Variants in KPNA4 observed in about 807,000 individuals in gnomAD.
The protein encoded by KPNA4 is karyopherin subunit alpha 4.
In KPNA4, 13 loss-of-function variants were observed where a neutral mutation model predicts 71.3. That is an observed-to-expected ratio of 0.18 (90% CI 0.12 to 0.29). KPNA4 has a LOEUF of 0.29. KPNA4 is among the 10% of genes least tolerant of loss of function. The probability of loss-of-function intolerance (pLI) is 1.00; values close to 1 mark genes in which losing one functional copy is unlikely to be tolerated. For synonymous variants in KPNA4, 189 were observed against 195.2 expected, an observed-to-expected ratio of 0.97 and a Z score of 0.26; for missense variants, 334 against 603.2, an observed-to-expected ratio of 0.55 and a Z score of 4.67.
chr3:160,536,042 A>G, intron 2 of KPNA4, 145 bp from the exon 3 acceptor site: 1 of 658,924 alleles, frequency 1.5e-6, no homozygotes, highest in Non-Finnish European at 2.2e-6. Flanking sequence ...TTCAAATGTA[A>G]AAAATTAAAC....
At position 160,501,295 on chromosome 3, in the gene KPNA4, A is replaced by C. The variant is rs144391557; in HGVS notation, c.*809T>G. 3.5e-3 allele frequency: 527 copies of C among 152,070 alleles called. 3 individuals are homozygous for C. The highest frequency in any genetic ancestry group is 0.011 in the African/African-American group (458 of 41,300). 9.4% of individuals were successfully genotyped at this position (152,070 alleles called of 1,614,324 possible). On this transcript the variant is annotated 3_prime_UTR_variant, in exon 17 of 17. Transcript: ENST00000334256. ...AATAAAAACTAAAAAAAAAGAAAAGAAAAGCAAAAAAGAAAAAAAAAAGGA... is the reference window on the plus strand; with the variant it reads ...AATAAAAACTAAAAAAAAAGAAAAGCAAAGCAAAAAAGAAAAAAAAAAGGA...
At chr3:160,556,529 C>T (rs1722140255) in intron 1 of KPNA4, among the ~76,000 whole-genome samples, 1 of 152,100 alleles carries the variant, frequency 6.6e-6, no homozygotes, top group South Asian at 2.1e-4. Context: ...CATTGAGTAT[C>T]CCTTATGTGA....
At chr3:160,514,296 T>C (rs1721158656) in intron 12 of KPNA4, 115 bp from the exon 13 acceptor site, 7 of 659,476 alleles carry the variant, frequency 1.1e-5, no homozygotes, top group Non-Finnish European at 1.7e-5. Context: ...ATGAGCTCCA[T>C]AATAAAAATC....
At position 160,502,110 on chromosome 3, in the gene KPNA4, C is replaced by G; in HGVS notation, c.1560G>C (p.Gln520His). 6.4e-7 allele frequency: 1 copy of G among 1,574,448 alleles called. No homozygotes were observed. The highest frequency in any genetic ancestry group is 1.4e-5 in the African/African-American group (1 of 73,934). Residue 520 changes from glutamine to histidine, a missense_variant, in exon 17 of 17, where the codon CAG becomes CAC. Transcript: ENST00000334256. ...TAACTTCCACAACATCTTTCTAAAA[C>G]TGGAACCCTTCTGTTGGTACATTGG... ...SSANVPTEGF[Q>H]F
intron 15 of KPNA4, 63 bp from the exon 16 acceptor site, chr3:160,505,115 A>AT: frequency 1.2e-6 from 1 of 845,162 alleles, no homozygotes; most frequent in Non-Finnish European, 1.7e-6. Flanking sequence ...AAGTTAGAAT[A>AT]ATCTTTGGAA....
intron 15 of KPNA4, among the ~76,000 whole-genome samples, chr3:160,505,854 A>G (rs1387894336): frequency 6.6e-6 from 1 of 152,214 alleles, no homozygotes; most frequent in Non-Finnish European, 1.5e-5. Flanking sequence ...TGAGCTTCAC[A>G]TGCATAAAAC....
chr3:160,524,597 G>A (rs1306118104), intron 10 of KPNA4, among the ~76,000 whole-genome samples: 4 of 152,102 alleles, frequency 2.6e-5, no homozygotes, highest in Admixed American at 6.6e-5. Flanking sequence ...TCCTGCCTCA[G>A]CCTCCTAAAG....
At chr3:160,533,739 G>A (rs1231129543) in intron 5 of KPNA4, among the ~76,000 whole-genome samples, 1 of 152,080 alleles carries the variant, frequency 6.6e-6, no homozygotes, top group African/African-American at 2.4e-5. Context: ...GTGAAAAAAA[G>A]GCAAATGAAG....
Position 160,521,820 on chromosome 3 carries a change from G to A in KPNA4, c.862C>T (p.His288Tyr). Residue 288 changes from histidine to tyrosine, a missense_variant, in exon 11 of 17, where the codon CAT (histidine) becomes TAT (tyrosine). Transcript: ENST00000334256. ...QMVIDSGIVP[H>Y]LVPLLSHQEV... ...TGGTGGCTGAGCAGAGGAACCAAAT[G>A]AGGAACTATTCCAGAGTCTATTACC... 6.2e-7 allele frequency: 1 copy of A among 1,612,628 alleles called. No homozygotes were observed. The highest frequency in any genetic ancestry group is 8.5e-7 in the Non-Finnish European group (1 of 1,179,906).
chr3:160,513,283 T>C (rs1721139917), intron 13 of KPNA4, among the ~76,000 whole-genome samples: 1 of 110,778 alleles, frequency 9.0e-6, no homozygotes, highest in Non-Finnish European at 1.8e-5. Flanking sequence ...TGAGACAGGG[T>C]CTTGCTCTGT....
intron 1 of KPNA4, among the ~76,000 whole-genome samples, chr3:160,545,739 T>A (rs767864322): frequency 3.9e-5 from 6 of 152,234 alleles, no homozygotes; most frequent in Non-Finnish European, 8.8e-5. Context: ...ATACCACAAG[T>A]GCAGTAATCC....
At chr3:160,531,353 C>A in intron 6 of KPNA4, 109 bp downstream of exon 6, 1 of 547,404 alleles carries the variant, frequency 1.8e-6, no homozygotes, top group South Asian at 5.1e-5. Flanking sequence ...TCAACTCCAT[C>A]CCATAGCCCT....
chr3:160,537,080 T>C, intron 1 of KPNA4, among the ~76,000 whole-genome samples: 1 of 152,046 alleles, frequency 6.6e-6, no homozygotes, highest in South Asian at 2.1e-4. Context: ...ATTGGCTATA[T>C]CACAATTTTA....
chr3:160,507,580 T>G (rs1336597848), intron 15 of KPNA4, among the ~76,000 whole-genome samples: 1 of 147,248 alleles, frequency 6.8e-6, no homozygotes, highest in African/African-American at 2.5e-5. Context: ...TTCTACCCCA[T>G]ACTGTGTGAT....
chr3:160,538,249 T>C (rs1444722547), intron 1 of KPNA4, among the ~76,000 whole-genome samples: 5 of 151,808 alleles, frequency 3.3e-5, no homozygotes, highest in African/African-American at 9.6e-5. Flanking sequence ...GCTGTAAATA[T>C]AAAAAAATGT....
intron 1 of KPNA4, among the ~76,000 whole-genome samples, chr3:160,540,469 A>G (rs1721777502): frequency 6.6e-6 from 1 of 152,206 alleles, no homozygotes; most frequent in Admixed American, 6.5e-5. Context: ...AAGAGATTTG[A>G]CAATCCCTTC....
intron 8 of KPNA4, among the ~76,000 whole-genome samples, chr3:160,526,481 T>C (rs1721463040): frequency 6.6e-6 from 1 of 152,232 alleles, no homozygotes; most frequent in East Asian, 1.9e-4. Flanking sequence ...GGTTATGAAC[T>C]ATAAATTACT....
intron 15 of KPNA4, among the ~76,000 whole-genome samples, chr3:160,505,511 A>G (rs9821659): frequency 0.013 from 1,975 of 152,320 alleles, 27 homozygotes; most frequent in Middle Eastern, 0.085. Context: ...AAAATGATGA[A>G]GATCTAACAC....
At chr3:160,547,248 TCC>T in intron 1 of KPNA4, among the ~76,000 whole-genome samples, 1 of 152,334 alleles carries the variant, frequency 6.6e-6, no homozygotes, top group South Asian at 2.1e-4. Context: ...TGCTAAAATC[TCC>T]CTTTATTCAC....
Sources: allele counts gnomAD v4.1 joint callset (sites outside exome capture counted in the v4.1 genomes callset), GRCh38; gene constraint gnomAD v4.1.1; transcripts MANE v1.5; gene names NCBI Gene and HGNC (gene_info 2026-07-23, HGNC 2026-07-21).